The following CPEB3 variants were observed in gnomAD, a reference collection of about 807,000 sequenced individuals.
The protein encoded by CPEB3 is cytoplasmic polyadenylation element binding protein 3.
Under a neutral mutation model 67.2 loss-of-function variants are expected in CPEB3, and 20 were observed. That is an observed-to-expected ratio of 0.30 (90% CI 0.21 to 0.43). CPEB3 has a LOEUF of 0.43. CPEB3 is among the 20% of genes least tolerant of loss of function. The pLI, the probability that CPEB3 is intolerant of heterozygous loss-of-function variation, is 1.00. For missense variants in CPEB3, 746 were observed against 968.6 expected, an observed-to-expected ratio of 0.77 and a Z score of 3.05; for synonymous variants, 376 against 393.1, an observed-to-expected ratio of 0.96 and a Z score of 0.51.
At chr10:92,271,754 C>A (rs1366640065) in intron 1 of CPEB3, among the ~76,000 whole-genome samples, 1 of 152,172 alleles carries the variant, frequency 6.6e-6, no homozygotes, top group East Asian at 1.9e-4. Flanking sequence ...TACTGTATTA[C>A]CCCTTTTACT....
chr10:92,120,666 G>C (rs184265362), intron 6 of CPEB3, among the ~76,000 whole-genome samples: 12 of 152,288 alleles, frequency 7.9e-5, no homozygotes, highest in African/African-American at 2.4e-4. Flanking sequence ...CTTGTTCTCA[G>C]GAGATATGTG....
In CPEB3 at chr10:92,098,756, ATTTTTCTT is replaced by A. The variant is rs1289940289; in HGVS notation, c.1573-6820_1573-6813del. On this transcript the variant is annotated intron_variant, in intron 7 of 9. Transcript: ENST00000265997. ...GATATGTTACCAAACCAGTTTAACTATTTTTCTTTTTTTCTTTTTTTTTTTTTTTTTTT... is the reference window on the plus strand; with the variant it reads ...GATATGTTACCAAACCAGTTTAACTATTTTTCTTTTTTTTTTTTTTTTTTT... 7.9e-4 allele frequency among the ~76,000 whole-genome samples: 112 copies of A among 140,988 alleles called. 1 individual carries two copies. The highest frequency in any genetic ancestry group is 2.2e-3 in the African/African-American group (82 of 37,774). 92.5% of individuals were successfully genotyped at this position (140,988 alleles called of 152,430 possible).
chr10:92,132,485 A>C (rs998914391), intron 6 of CPEB3, among the ~76,000 whole-genome samples: 3 of 152,218 alleles, frequency 2.0e-5, no homozygotes, highest in African/African-American at 7.2e-5. Flanking sequence ...AAATCTTTTA[A>C]GGCATGTCAT....
At position 92,047,668 on chromosome 10, in the gene CPEB3, T is replaced by C. The variant is rs1237119605; in HGVS notation, c.*4544A>G. 1 of 152,244 alleles carries C rather than the reference T, an allele frequency of 6.6e-6. No homozygotes were observed. Among genetic ancestry groups the C allele is most frequent in the Admixed American group, 6.5e-5 (1 of 15,292 alleles). 9.4% of individuals were successfully genotyped at this position (152,244 alleles called of 1,614,324 possible). On this transcript the variant is annotated 3_prime_UTR_variant, in exon 10 of 10. Coordinates refer to ENST00000265997, the MANE Select transcript of CPEB3 (RefSeq NM_014912.5). Reference sequence around the variant, plus strand: ...CATTTATTTGTAGTTAATGTAAAATTCCAACCAGTAGTACCCAATTTGAGT... The same window carrying C: ...CATTTATTTGTAGTTAATGTAAAATCCCAACCAGTAGTACCCAATTTGAGT...
At position 92,115,495 on chromosome 10, in the gene CPEB3, T is replaced by C. The variant is rs578170637; in HGVS notation, c.1454-4301A>G. On this transcript the variant is annotated intron_variant, in intron 6 of 9. Transcript: ENST00000265997. ...CCCTGAAGTAATACAGGGCCTTAGA[T>C]GGAATGAACGATTTATATTGGTGCT... Among the ~76,000 whole-genome samples the C allele has an allele frequency of 2.3e-3, 346 of 152,304 alleles. 1 individual carries two copies. The highest frequency in any genetic ancestry group is 3.4e-3 in the Non-Finnish European group (229 of 68,022).
At chr10:92,137,665 G>A in intron 6 of CPEB3, 2 of 539,934 alleles carry the variant, frequency 3.7e-6, no homozygotes, top group South Asian at 2.1e-5. Flanking sequence ...AACCCTGATT[G>A]TCACCCTAGG....
chr10:92,225,656 T>C (rs1447951961), intron 2 of CPEB3, among the ~76,000 whole-genome samples: 5 of 152,190 alleles, frequency 3.3e-5, no homozygotes, highest in East Asian at 1.9e-4. Context: ...ATAAATTATA[T>C]AAAATGTTAA....
At chr10:92,155,365 A>G (rs1338830374) in intron 4 of CPEB3, among the ~76,000 whole-genome samples, 1 of 152,216 alleles carries the variant, frequency 6.6e-6, no homozygotes, top group Non-Finnish European at 1.5e-5. Context: ...ATTAGAGGAA[A>G]GGGATCAAAC....
At chr10:92,055,829 CAGG>C (rs1842088535) in intron 9 of CPEB3, among the ~76,000 whole-genome samples, 1 of 152,002 alleles carries the variant, frequency 6.6e-6, no homozygotes, top group Non-Finnish European at 1.5e-5. Context: ...CCTTTGAGCC[CAGG>C]AGTTCGAGAC....
chr10:92,070,588 T>G (rs892431761), intron 9 of CPEB3, among the ~76,000 whole-genome samples: 1 of 151,776 alleles, frequency 6.6e-6, no homozygotes, highest in Non-Finnish European at 1.5e-5. Flanking sequence ...GACAGCCTGG[T>G]CAACATGGAG....
At chr10:92,052,597 GA>G (rs1841938249) in intron 9 of CPEB3, among the ~76,000 whole-genome samples, 158 bp from the exon 10 acceptor site, 1 of 152,216 alleles carries the variant, frequency 6.6e-6, no homozygotes, top group African/African-American at 2.4e-5. Flanking sequence ...ATGGGCTTTG[GA>G]ATAAGCTCCT....
At chr10:92,149,734 TCTC>T (rs1490286514) in intron 4 of CPEB3, among the ~76,000 whole-genome samples, 4 of 152,154 alleles carry the variant, frequency 2.6e-5, no homozygotes, top group Non-Finnish European at 5.9e-5. Flanking sequence ...AAATGATATT[TCTC>T]TAACTGTGGG....
At chr10:92,262,175 T>C (rs926564522) in intron 1 of CPEB3, among the ~76,000 whole-genome samples, 1 of 152,124 alleles carries the variant, frequency 6.6e-6, no homozygotes, top group African/African-American at 2.4e-5. Context: ...AAAAAGAAAT[T>C]AGACCACCTG....
intron 6 of CPEB3, among the ~76,000 whole-genome samples, chr10:92,125,469 C>G (rs1028867915): frequency 6.6e-6 from 1 of 152,310 alleles, no homozygotes; most frequent in East Asian, 1.9e-4. Context: ...AGCTCCTTTC[C>G]CTGGGCCCAT....
At position 92,048,362 on chromosome 10, in the gene CPEB3, TTC is replaced by T. The variant is rs1021366624; in HGVS notation, c.*3848_*3849del. 1.9e-4 allele frequency: 24 copies of T among 126,494 alleles called. 1 individual carries two copies. Among genetic ancestry groups the T allele is most frequent in the Non-Finnish European group, 3.0e-4 (18 of 59,080 alleles). The allele number at this position is 126,494 out of a possible 1,614,324, so 7.8% of individuals were successfully genotyped here. On this transcript the variant is annotated 3_prime_UTR_variant, in exon 10 of 10. Coordinates refer to ENST00000265997, the MANE Select transcript of CPEB3 (RefSeq NM_014912.5). This position sits in a 1 kb window ranked among gnomAD's most constrained non-coding sequence, Gnocchi z 4.1. ...CAAGGACAGCAGTTGGTGGCAGTTTTTCTCTCTCTCTCTCTCTCTCTCTCTCA... is the reference window on the plus strand; with the variant it reads ...CAAGGACAGCAGTTGGTGGCAGTTTTTCTCTCTCTCTCTCTCTCTCTCTCA...
chr10:92,280,090 C>T (rs145327537), intron 1 of CPEB3, among the ~76,000 whole-genome samples: 1 of 151,598 alleles, frequency 6.6e-6, no homozygotes, highest in Non-Finnish European at 1.5e-5. Flanking sequence ...CACCTGTAAT[C>T]CCTGCACTTT....
chr10:92,061,277 G>A (rs916997701), intron 9 of CPEB3, among the ~76,000 whole-genome samples: 1 of 152,002 alleles, frequency 6.6e-6, no homozygotes, highest in African/African-American at 2.4e-5. Context: ...AAATTAGCTG[G>A]GTGTGGTGGC....
At chr10:92,246,943 C>A (rs902264142) in intron 1 of CPEB3, among the ~76,000 whole-genome samples, 1 of 152,094 alleles carries the variant, frequency 6.6e-6, no homozygotes, top group Non-Finnish European at 1.5e-5. Context: ...GCACAATGGA[C>A]AAAAATAAAC....
At chr10:92,096,139 T>C (rs1843866769) in intron 7 of CPEB3, among the ~76,000 whole-genome samples, 1 of 151,632 alleles carries the variant, frequency 6.6e-6, no homozygotes, top group Non-Finnish European at 1.5e-5. Flanking sequence ...CCTCCCAAAG[T>C]GCTGGGATTA....
Sources: allele counts gnomAD v4.1 joint callset (sites outside exome capture counted in the v4.1 genomes callset), GRCh38; gene constraint gnomAD v4.1.1; non-coding constraint Gnocchi (gnomAD v3.1); transcripts MANE v1.5; gene names NCBI Gene and HGNC (gene_info 2026-07-23, HGNC 2026-07-21).